ARFGEF3: variants seen among roughly 807,000 people sequenced by gnomAD.
ARFGEF3 encodes brefeldin A-inhibited guanine nucleotide-exchange protein 3.
ARFGEF3 carries 96 observed loss-of-function variants against 221.7 expected under a neutral mutation model. The ratio of observed to expected loss-of-function variants is 0.43; its 90% CI spans 0.37 to 0.51. The LOEUF (loss-of-function observed/expected upper bound fraction) is 0.51. ARFGEF3 is among the 20% of genes least tolerant of loss of function. The probability of loss-of-function intolerance (pLI) is 0.00; values close to 1 mark genes in which losing one functional copy is unlikely to be tolerated. For missense variants in ARFGEF3, 2,410 were observed against 2,789.9 expected, an observed-to-expected ratio of 0.86 and a Z score of 3.07; for synonymous variants, 1,145 against 1,126.8, an observed-to-expected ratio of 1.02 and a Z score of -0.32.
At chr6:138,272,359 G>A (rs1779019448) in intron 12 of ARFGEF3, among the ~76,000 whole-genome samples, 1 of 152,136 alleles carries the variant, frequency 6.6e-6, no homozygotes, top group African/African-American at 2.4e-5. Context: ...GTTTCACCAT[G>A]TTGGTCAGGC....
chr6:138,290,087 A>G, intron 18 of ARFGEF3, 119 bp downstream of exon 18: 1 of 960,790 alleles, frequency 1.0e-6, no homozygotes, highest in Admixed American at 2.6e-5. Context: ...ATCAATTATA[A>G]CAATTCACAG....
At chr6:138,247,493 C>G (rs1264429558) in intron 8 of ARFGEF3, among the ~76,000 whole-genome samples, 1 of 152,178 alleles carries the variant, frequency 6.6e-6, no homozygotes, top group Non-Finnish European at 1.5e-5. Context: ...TCATCCCCGT[C>G]CAGTTCCCCT....
At chr6:138,225,556 A>G (rs1413473312) in intron 4 of ARFGEF3, among the ~76,000 whole-genome samples, 2 of 152,214 alleles carry the variant, frequency 1.3e-5, no homozygotes, top group Non-Finnish European at 2.9e-5. Flanking sequence ...CATTTCTCCA[A>G]TAGACGGTGC....
intron 2 of ARFGEF3, among the ~76,000 whole-genome samples, chr6:138,193,514 C>G (rs1777350978): frequency 6.6e-6 from 1 of 152,158 alleles, no homozygotes; most frequent in South Asian, 2.1e-4. Flanking sequence ...AGCGCCTGGA[C>G]ATGTAGTAGG....
chr6:138,170,761 T>G, intron 2 of ARFGEF3, 48 bp downstream of exon 2: 1 of 1,097,172 alleles, frequency 9.1e-7, no homozygotes, highest in East Asian at 2.4e-5. Flanking sequence ...TATTACCCAC[T>G]GAAGGCCCAG....
chr6:138,222,321 A>G (rs1777997405), intron 4 of ARFGEF3, among the ~76,000 whole-genome samples: 1 of 152,238 alleles, frequency 6.6e-6, no homozygotes, highest in Non-Finnish European at 1.5e-5. Flanking sequence ...GTTGGGCCAC[A>G]TTCAAAGCTG....
At chr6:138,318,664 A>G (rs533813992) in intron 27 of ARFGEF3, among the ~76,000 whole-genome samples, 34 of 152,344 alleles carry the variant, frequency 2.2e-4, no homozygotes, top group Non-Finnish European at 2.6e-4. Flanking sequence ...TCAAAATGTG[A>G]TTATCTCTAG....
intron 14 of ARFGEF3, among the ~76,000 whole-genome samples, chr6:138,285,058 A>G (rs2114626171): frequency 6.6e-6 from 1 of 152,350 alleles, no homozygotes; most frequent in East Asian, 1.9e-4. Flanking sequence ...TTTGTGGTGC[A>G]GGACTCTGTC....
intron 4 of ARFGEF3, among the ~76,000 whole-genome samples, chr6:138,228,570 A>G (rs1166131132): frequency 6.6e-6 from 1 of 151,982 alleles, no homozygotes; most frequent in Non-Finnish European, 1.5e-5. Context: ...CCTGCAATTA[A>G]TACCCACCCT....
chr6:138,303,637 T>C (rs1245876510), intron 22 of ARFGEF3, among the ~76,000 whole-genome samples: 1 of 152,024 alleles, frequency 6.6e-6, no homozygotes, highest in Non-Finnish European at 1.5e-5. Flanking sequence ...ACCCTGTCTC[T>C]ACTAAAATTA....
intron 2 of ARFGEF3, among the ~76,000 whole-genome samples, chr6:138,193,223 T>A (rs916121482): frequency 6.6e-6 from 1 of 152,180 alleles, no homozygotes; most frequent in African/African-American, 2.4e-5. Flanking sequence ...TTTGGGAATG[T>A]CCTTTTCTTC....
intron 7 of ARFGEF3, among the ~76,000 whole-genome samples, chr6:138,244,318 G>A (rs550967982): frequency 3.3e-5 from 5 of 152,120 alleles, no homozygotes; most frequent in African/African-American, 7.2e-5. Context: ...TTGACGTACC[G>A]TCATCATTCA....
At chr6:138,220,821 G>T (rs186555397) in intron 4 of ARFGEF3, among the ~76,000 whole-genome samples, 26 of 152,302 alleles carry the variant, frequency 1.7e-4, no homozygotes, top group Admixed American at 1.6e-3. Flanking sequence ...CTCCATAAGG[G>T]TTGGAATTAG....
rs143546434 is a variant in ARFGEF3, at chr6:138,228,557, A to T, written c.352-1227A>T. Among the ~76,000 whole-genome samples, 1,258 of 152,188 alleles carry T rather than the reference A, an allele frequency of 8.3e-3. 14 individuals carry two copies. The highest frequency in any genetic ancestry group is 0.041 in the Middle Eastern group (12 of 294). ...TTTAAGAATCAAAAGACTGAGGAGC[A>T]CACCTGCAATTAATACCCACCCTTG... On this transcript the variant is annotated intron_variant, in intron 4 of 33. Transcript: ENST00000251691.
At chr6:138,218,664 C>G (rs558148258) in intron 4 of ARFGEF3, among the ~76,000 whole-genome samples, 1 of 152,270 alleles carries the variant, frequency 6.6e-6, no homozygotes, top group South Asian at 2.1e-4. Context: ...TTTAACAACC[C>G]TATCTTGAGG....
rs980837179 is a variant in ARFGEF3, at chr6:138,336,555, G to A, written c.*69G>A. 8 of 1,306,898 alleles carry A rather than the reference G, an allele frequency of 6.1e-6. No homozygotes were observed. Among genetic ancestry groups the A allele is most frequent in the Non-Finnish European group, 8.4e-6 (8 of 949,584 alleles). The allele number at this position is 1,306,898 out of a possible 1,614,324, so 81.0% of individuals were successfully genotyped here. A position where few individuals can be genotyped will look rare whatever the true frequency, so the allele number is the denominator to read the frequency against. On this transcript the variant is annotated 3_prime_UTR_variant, in exon 34 of 34. Transcript: ENST00000251691. ...TTAGAGTCCTGCCAATACAGCTGTT[G>A]CATTTTCCCCACCACTAGCCCCACT...
Position 138,337,004 on chromosome 6 carries a change from C to T in ARFGEF3, c.*518C>T, listed in dbSNP as rs537500969. On this transcript the variant is annotated 3_prime_UTR_variant, in exon 34 of 34. Coordinates refer to ENST00000251691, the MANE Select transcript of ARFGEF3 (RefSeq NM_020340.5). ...AAGAAGACAACTATAAATACATATT[C>T]TTGGGTGTCATAATCAAGAAAGAGG... The T allele has an allele frequency of 6.5e-6, 1 of 152,716 alleles. No individual in the cohort carries two copies. Among genetic ancestry groups the T allele is most frequent in the South Asian group, 2.1e-4 (1 of 4,818 alleles). 9.5% of individuals were successfully genotyped at this position (152,716 alleles called of 1,614,324 possible). A position where few individuals can be genotyped will look rare whatever the true frequency, so the allele number is the denominator to read the frequency against.
In ARFGEF3 at chr6:138,229,803, A is replaced by G. The variant is rs765684706; in HGVS notation, c.371A>G (p.Tyr124Cys). The stretch of plus-strand genomic sequence containing the variant: ...TTAAAGGTTTTACTATGCATCACCT[A>G]CACGCCAACATTTGATCTGAATGGG... ...EVMKVLLCIT[Y>C]TPTFDLNGSA... is the part of the protein sequence containing the mutation. Residue 124 changes from tyrosine to cysteine, a missense_variant, in exon 5 of 34, where the codon TAC becomes TGC. Tyr to Cys is a radical substitution (Grantham distance 194). Coordinates refer to ENST00000251691, the MANE Select transcript of ARFGEF3 (RefSeq NM_020340.5). The G allele has an allele frequency of 1.1e-5, 17 of 1,613,744 alleles. No homozygotes were observed. Among genetic ancestry groups the G allele is most frequent in the Non-Finnish European group, 1.4e-5 (16 of 1,179,698 alleles).
At chr6:138,168,994 C>T (rs1037893223) in intron 1 of ARFGEF3, among the ~76,000 whole-genome samples, 1 of 152,180 alleles carries the variant, frequency 6.6e-6, no homozygotes, top group East Asian at 1.9e-4. Context: ...TTGGCACTGG[C>T]GTCTAAGGAC....
Sources: gnomAD v4.1 joint callset for allele counts (sites outside exome capture counted in the v4.1 genomes callset) on GRCh38, gnomAD v4.1.1 for gene constraint, MANE v1.5 for transcripts, NCBI Gene and HGNC (gene_info 2026-07-23, HGNC 2026-07-21) for gene names.